Variants in SSR3 observed in about 807,000 individuals in gnomAD.
SSR3 encodes signal sequence receptor subunit 3.
In SSR3, 10 loss-of-function variants were observed where a neutral mutation model predicts 22.1. The ratio of observed to expected loss-of-function variants is 0.45; its 90% CI spans 0.28 to 0.77. SSR3 has a LOEUF of 0.77. Among genes scored for constraint, SSR3 ranks in the 30% least tolerant of loss-of-function variants. The pLI, the probability that SSR3 is intolerant of heterozygous loss-of-function variation, is 0.13. For synonymous variants in SSR3, 104 were observed against 82.5 expected, an observed-to-expected ratio of 1.26 and a Z score of -1.42; for missense variants, 181 against 220.5, an observed-to-expected ratio of 0.82 and a Z score of 1.13.
chr3:156,553,710 T>C lies in SSR3; in HGVS notation c.205A>G (p.Ser69Gly), dbSNP rs1380249947. 1 of 1,612,800 alleles carries C rather than the reference T, an allele frequency of 6.2e-7. No homozygotes were observed. The highest frequency in any genetic ancestry group is 8.5e-7 in the Non-Finnish European group (1 of 1,179,924). ...TATGCAAAGGCTACCAAATATGTGC[T>C]TACTAGGGTCATCACACTATACAAA... The part of the protein sequence containing the change: ...AVLYSVMTLV[S>G]TYLVAFAYKN... Residue 69 changes from serine to glycine, a missense_variant, in exon 2 of 5, where the codon AGC (serine) becomes GGC (glycine). By Grantham distance (56) the Ser-to-Gly change is moderately conservative. Coordinates refer to ENST00000265044, the MANE Select transcript of SSR3 (RefSeq NM_007107.5).
Position 156,543,269 on chromosome 3 carries a change from C to A in SSR3, c.492G>T (p.Val164=). 1 of 1,612,620 alleles carries A rather than the reference C, an allele frequency of 6.2e-7. No homozygotes were observed. The highest frequency in any genetic ancestry group is 1.1e-5 in the South Asian group (1 of 90,942). Residue 164 remains valine (V), a splice_region_variant and synonymous_variant, in exon 5 of 5, where the codon GTG becomes GTT. Transcript: ENST00000265044. ...FFILKNFNPT[V]NYILSISASS... ...AAGCACTTATGGACAATATGTAGTT[C>A]CTGTAAGAAATTTAATGTTATGGAA...
In SSR3 at chr3:156,540,936, T is replaced by C. The variant is rs1405643819; in HGVS notation, c.*2267A>G. 1 of 152,216 alleles carries C rather than the reference T, an allele frequency of 6.6e-6. No individual in the cohort carries two copies. Among genetic ancestry groups the C allele is most frequent in the Non-Finnish European group, 1.5e-5 (1 of 68,044 alleles). 9.4% of individuals were successfully genotyped at this position (152,216 alleles called of 1,614,324 possible). A position where few individuals can be genotyped will look rare whatever the true frequency, so the allele number is the denominator to read the frequency against. On this transcript the variant is annotated 3_prime_UTR_variant, in exon 5 of 5. Coordinates refer to ENST00000265044, the MANE Select transcript of SSR3 (RefSeq NM_007107.5). ...TCCTCACAGTAAAGTACTCACACAG[T>C]AAATCCTTAACGAAAACTACTGAAC...
chr3:156,547,450 T>C (rs1378700115), intron 3 of SSR3, among the ~76,000 whole-genome samples: 2 of 152,206 alleles, frequency 1.3e-5, no homozygotes, highest in Admixed American at 6.5e-5. Flanking sequence ...TAGGTAACTA[T>C]GCATACCCTA....
chr3:156,547,013 A>C (rs1383775272), intron 3 of SSR3, among the ~76,000 whole-genome samples: 3 of 152,208 alleles, frequency 2.0e-5, no homozygotes, highest in Non-Finnish European at 4.4e-5. Context: ...AGAGAGAAAC[A>C]AGCTAGATCT....
rs1279495394 is a variant in SSR3 at position 156,541,360 on chromosome 3, CCAGT to C, written c.*1839_*1842del. ...TATTTGATACACAAATTCCATGCCA[CCAGT>C]CAAACTATGGTCTGGCTTTTTTTTT... On this transcript the variant is annotated 3_prime_UTR_variant, in exon 5 of 5. Coordinates refer to ENST00000265044, the MANE Select transcript of SSR3 (RefSeq NM_007107.5). 6.6e-6 allele frequency: 1 copy of C among 152,078 alleles called. No individual in the cohort carries two copies. Among genetic ancestry groups the C allele is most frequent in the Non-Finnish European group, 1.5e-5 (1 of 68,006 alleles). 9.4% of individuals were successfully genotyped at this position (152,078 alleles called of 1,614,324 possible).
At chr3:156,544,650 C>T (rs1260171073) in intron 3 of SSR3, among the ~76,000 whole-genome samples, 3 of 152,150 alleles carry the variant, frequency 2.0e-5, no homozygotes, top group African/African-American at 7.2e-5. Flanking sequence ...AAACATCATG[C>T]TGGTTATGTT....
intron 3 of SSR3, among the ~76,000 whole-genome samples, chr3:156,546,018 T>C (rs572102463): frequency 5.9e-5 from 9 of 152,340 alleles, no homozygotes; most frequent in Non-Finnish European, 1.3e-4. Context: ...TTATCTCACT[T>C]GCATCACAGT....
intron 3 of SSR3, among the ~76,000 whole-genome samples, chr3:156,546,739 A>G (rs1302479786): frequency 3.9e-5 from 6 of 152,206 alleles, no homozygotes; most frequent in African/African-American, 1.4e-4. Flanking sequence ...CTACAAGAGA[A>G]ATGTTGAGAC....
intron 3 of SSR3, among the ~76,000 whole-genome samples, chr3:156,545,094 T>G (rs79341213): frequency 0.15 from 23,205 of 152,208 alleles, 1,884 homozygotes; most frequent in East Asian, 0.33. Context: ...CCTTCACACA[T>G]GCAAAAGGAA....
At position 156,541,390 on chromosome 3, in the gene SSR3, T is replaced by TA. The variant is rs1719489172; in HGVS notation, c.*1812dup. 1 of 152,192 alleles carries TA rather than the reference T, an allele frequency of 6.6e-6. No individual in the cohort carries two copies. The highest frequency in any genetic ancestry group is 1.5e-5 in the Non-Finnish European group (1 of 68,026). The allele number at this position is 152,192 out of a possible 1,614,324, so 9.4% of individuals were successfully genotyped here. On this transcript the variant is annotated 3_prime_UTR_variant, in exon 5 of 5. Coordinates refer to ENST00000265044, the MANE Select transcript of SSR3 (RefSeq NM_007107.5). The stretch of plus-strand genomic sequence containing the variant: ...CAAACTATGGTCTGGCTTTTTTTTT[T>TA]AACCAACAGTAAAGAAAACTTTTTG...
Position 156,543,153 on chromosome 3 carries a change from T to C in SSR3, c.*50A>G, listed in dbSNP as rs1559942841. The C allele has an allele frequency of 9.0e-6, 14 of 1,560,226 alleles. No homozygotes were observed. Among genetic ancestry groups the C allele is most frequent in the Non-Finnish European group, 7.0e-6 (8 of 1,135,038 alleles). ...CTGACCACCCTGCTACTTTTCCATA[T>C]ACCACAGGCCACCCATAGACACAAA... On this transcript the variant is annotated 3_prime_UTR_variant, in exon 5 of 5. Coordinates refer to ENST00000265044, the MANE Select transcript of SSR3 (RefSeq NM_007107.5).
At chr3:156,554,000 T>G in intron 1 of SSR3, 1 of 394,070 alleles carries the variant, frequency 2.5e-6, no homozygotes, top group Non-Finnish European at 4.5e-6. Context: ...CACCTTCCTA[T>G]TACTAGTCCA....
rs1322962521 is a variant in SSR3, at chr3:156,548,992, T to C, written c.272A>G (p.Lys91Arg). ...TTCTTTGGAAACAGCATCCTCCCTC[T>C]TCTGTGCTACTCTGGAAGAAAAAGA... The part of the protein sequence containing the change: ...KFVLKHKVAQ[K>R]REDAVSKEVT... The change falls in exon 3 of 5, where the codon AAG becomes AGG. Residue 91 changes from lysine to arginine, a missense_variant. Transcript: ENST00000265044. 5.0e-6 allele frequency: 8 copies of C among 1,612,470 alleles called. No individual in the cohort carries two copies. Among genetic ancestry groups the C allele is most frequent in the Admixed American group, 3.3e-5 (2 of 59,856 alleles).
In SSR3 at chr3:156,543,348, G is replaced by C; in HGVS notation, c.492-79C>G. On this transcript the variant is annotated intron_variant, in intron 4 of 4. Coordinates refer to ENST00000265044, the MANE Select transcript of SSR3 (RefSeq NM_007107.5). ...AGAAAATAAAGAGCCCATCTCTTTG[G>C]AATGTACTGCTTCCTTCCTGACACT... is the stretch of plus-strand genomic sequence containing the variant. 1.2e-5 allele frequency: 12 copies of C among 1,036,164 alleles called. No homozygotes were observed. In the South Asian group the frequency reaches 1.7e-4, roughly 14 times the overall value. The allele number at this position is 1,036,164 out of a possible 1,614,324, so 64.2% of individuals were successfully genotyped here.
At chr3:156,554,827 C>T in intron 1 of SSR3, 130 bp downstream of exon 1, 1 of 1,259,318 alleles carries the variant, frequency 7.9e-7, no homozygotes, top group Admixed American at 2.3e-5. Flanking sequence ...TCCCCGAGCT[C>T]AGGGGAGCTG....
Position 156,543,083 on chromosome 3 carries a change from T to C in SSR3, c.*120A>G, listed in dbSNP as rs1719623120. 4.5e-6 allele frequency: 3 copies of C among 669,956 alleles called. No individual in the cohort carries two copies. Among genetic ancestry groups the C allele is most frequent in the Non-Finnish European group, 7.2e-6 (3 of 416,272 alleles). The allele number at this position is 669,956 out of a possible 1,614,324, so 41.5% of individuals were successfully genotyped here. ...AAATACTGAATTACATTCTGCTGGGTTTTTTAAAGGCTCTAGACTATAAAA... is the reference window on the plus strand; with the variant it reads ...AAATACTGAATTACATTCTGCTGGGCTTTTTAAAGGCTCTAGACTATAAAA... On this transcript the variant is annotated 3_prime_UTR_variant, in exon 5 of 5. Coordinates refer to ENST00000265044, the MANE Select transcript of SSR3 (RefSeq NM_007107.5).
At chr3:156,551,228 G>A (rs907780123) in intron 2 of SSR3, among the ~76,000 whole-genome samples, 5 of 152,170 alleles carry the variant, frequency 3.3e-5, no homozygotes, top group Admixed American at 6.5e-5. Context: ...GTTTTAAGGA[G>A]TATAAAATAT....
chr3:156,543,311 A>G lies in SSR3; in HGVS notation c.492-42T>C, dbSNP rs369047861. ...GTTATGGAAAAATGAGTAACTCCAA[A>G]TTGGTTTTTTGAGAAAATAAAGAGC... is the stretch of plus-strand genomic sequence containing the variant. On this transcript the variant is annotated intron_variant, in intron 4 of 4. Coordinates refer to ENST00000265044, the MANE Select transcript of SSR3 (RefSeq NM_007107.5). The G allele has an allele frequency of 5.5e-5, 86 of 1,563,192 alleles. No homozygotes were observed. The African/African-American group carries it at 1.1e-3, about 21-fold the overall frequency.
chr3:156,554,951 A>T lies in SSR3; in HGVS notation c.133+6T>A. 6.2e-7 allele frequency: 1 copy of T among 1,613,130 alleles called. No individual in the cohort carries two copies. The highest frequency in any genetic ancestry group is 8.5e-7 in the Non-Finnish European group (1 of 1,179,646). On this transcript the variant is annotated splice_donor_region_variant and intron_variant, in intron 1 of 4. Transcript: ENST00000265044. Reference sequence around the variant, plus strand: ...CTGCCTAACCCGCCTCGCTCCCAGCACTCACAGATGGGGATGGCAGACACG... The same window carrying T: ...CTGCCTAACCCGCCTCGCTCCCAGCTCTCACAGATGGGGATGGCAGACACG...
Sources: gnomAD v4.1 joint callset for allele counts (sites outside exome capture counted in the v4.1 genomes callset) on GRCh38, gnomAD v4.1.1 for gene constraint, MANE v1.5 for transcripts, NCBI Gene and HGNC (gene_info 2026-07-23, HGNC 2026-07-21) for gene names.